The following IL1RAP variants were observed in gnomAD, a reference collection of about 807,000 sequenced individuals.
The protein encoded by IL1RAP is interleukin 1 receptor accessory protein.
A neutral mutation model predicts 60.7 loss-of-function variants in IL1RAP; 35 were observed. That is an observed-to-expected ratio of 0.58 (90% CI 0.44 to 0.76). The LOEUF (loss-of-function observed/expected upper bound fraction) is 0.76. Among genes scored for constraint, IL1RAP ranks in the 30% least tolerant of loss-of-function variants. The pLI is 0.00. For missense variants in IL1RAP, 572 were observed against 693.9 expected, an observed-to-expected ratio of 0.82 and a Z score of 1.97; for synonymous variants, 268 against 250.9, an observed-to-expected ratio of 1.07 and a Z score of -0.64.
intron 1 of IL1RAP, chr3:190,555,748 C>T (rs1725358021): frequency 6.6e-6 from 1 of 152,160 alleles, no homozygotes; most frequent in African/African-American, 2.4e-5. Flanking sequence ...GTTTCTCTCC[C>T]TCTTCCTCCA....
At chr3:190,598,524 A>G (rs1471178238) in intron 3 of IL1RAP, among the ~76,000 whole-genome samples, 1 of 151,914 alleles carries the variant, frequency 6.6e-6, no homozygotes, top group Non-Finnish European at 1.5e-5. Flanking sequence ...TCTTCCTTTT[A>G]TTCTAATTAT....
intron 3 of IL1RAP, among the ~76,000 whole-genome samples, chr3:190,588,947 G>C (rs1363258551): frequency 1.3e-5 from 2 of 152,158 alleles, no homozygotes; most frequent in African/African-American, 4.8e-5. Context: ...TTTATATGCA[G>C]AAGTAATGTT....
intron 1 of IL1RAP, chr3:190,519,040 G>C (rs1721781754): frequency 6.6e-6 from 1 of 152,184 alleles, no homozygotes; most frequent in South Asian, 2.1e-4. Flanking sequence ...TAAGACCAAT[G>C]ACCTACCCAA....
chr3:190,552,286 C>A (rs1423788174), intron 1 of IL1RAP, among the ~76,000 whole-genome samples: 1 of 152,142 alleles, frequency 6.6e-6, no homozygotes, highest in African/African-American at 2.4e-5. Flanking sequence ...TAAATTAGTG[C>A]CTTAACAGTC....
intron 1 of IL1RAP, among the ~76,000 whole-genome samples, chr3:190,523,699 C>T (rs987610386): frequency 2.0e-5 from 3 of 152,178 alleles, no homozygotes; most frequent in Non-Finnish European, 4.4e-5. Context: ...GACATAATCT[C>T]ATTCCTTTTT....
At chr3:190,646,137 T>C (rs1733997387) in intron 11 of IL1RAP, among the ~76,000 whole-genome samples, 2 of 152,206 alleles carry the variant, frequency 1.3e-5, no homozygotes, top group African/African-American at 2.4e-5. Context: ...ACATCCTGTT[T>C]ATTCACATTT....
intron 1 of IL1RAP, among the ~76,000 whole-genome samples, chr3:190,533,140 A>G (rs1723135704): frequency 6.6e-6 from 1 of 152,148 alleles, no homozygotes; most frequent in African/African-American, 2.4e-5. Context: ...GAAAGAGGGA[A>G]CCGTAGGCCC....
chr3:190,629,543 AT>A, intron 9 of IL1RAP, 45 bp downstream of exon 9: 1 of 1,567,918 alleles, frequency 6.4e-7, no homozygotes, highest in East Asian at 2.3e-5. Flanking sequence ...CCAAATTAAC[AT>A]TGTGGTGAAT....
At position 190,593,279 on chromosome 3, in the gene IL1RAP, C is replaced by A. The variant is rs184410896; in HGVS notation, c.65-10849C>A. On this transcript the variant is annotated intron_variant, in intron 3 of 11. Transcript: ENST00000447382. Reference sequence around the variant, plus strand: ...ATGAACACGGGTTTGTATGCAGTGCCAGCAACATGAGGATGCGTGATGGAT... The same window carrying A: ...ATGAACACGGGTTTGTATGCAGTGCAAGCAACATGAGGATGCGTGATGGAT... Among the ~76,000 whole-genome samples the A allele has an allele frequency of 2.6e-3, 391 of 152,234 alleles. 2 individuals carry two copies. Among genetic ancestry groups the A allele is most frequent in the African/African-American group, 7.6e-3 (316 of 41,536 alleles).
At chr3:190,559,340 G>A (rs905852294) in intron 2 of IL1RAP, among the ~76,000 whole-genome samples, 1 of 151,588 alleles carries the variant, frequency 6.6e-6, no homozygotes, top group African/African-American at 2.4e-5. Flanking sequence ...CTAACTTTTG[G>A]TTTCTTTATT....
chr3:190,532,353 C>A (rs1292851163), intron 1 of IL1RAP, among the ~76,000 whole-genome samples: 1 of 151,138 alleles, frequency 6.6e-6, no homozygotes, highest in Admixed American at 6.6e-5. Flanking sequence ...AGCTTCGCCT[C>A]CTGGGTTCAC....
At chr3:190,571,153 A>G (rs1048361091) in intron 3 of IL1RAP, among the ~76,000 whole-genome samples, 1 of 152,070 alleles carries the variant, frequency 6.6e-6, no homozygotes, top group Non-Finnish European at 1.5e-5. Context: ...TCTGTTAACT[A>G]TTGCTTTTTA....
chr3:190,542,107 T>G (rs2108565132), intron 1 of IL1RAP, among the ~76,000 whole-genome samples: 1 of 152,330 alleles, frequency 6.6e-6, no homozygotes, highest in East Asian at 1.9e-4. Context: ...TTTTTTTGCA[T>G]GTAACTCAGG....
At chr3:190,590,638 C>T (rs1326466559) in intron 3 of IL1RAP, among the ~76,000 whole-genome samples, 1 of 152,162 alleles carries the variant, frequency 6.6e-6, no homozygotes, top group Non-Finnish European at 1.5e-5. Flanking sequence ...ACCCACATAT[C>T]AGCTTTTTCA....
intron 4 of IL1RAP, among the ~76,000 whole-genome samples, chr3:190,607,039 AT>A (rs997483964): frequency 2.3e-4 from 35 of 152,186 alleles, no homozygotes; most frequent in African/African-American, 7.7e-4. Context: ...ATGTTTTGTT[AT>A]TTGTAGGTAG....
chr3:190,564,322 C>T lies in IL1RAP; in HGVS notation c.33C>T (p.Tyr11=), dbSNP rs1320636184. Residue 11 remains tyrosine (Y), a synonymous_variant, in exon 3 of 12, where the codon TAC becomes TAT. Transcript: ENST00000447382. The part of the protein sequence containing the change: MTLLWCVVSL[Y]FYGILQSDAS... ...TTCTGTGGTGTGTAGTGAGTCTCTACTTTTATGGAATCCTGCAAAGTGATG... is the reference window on the plus strand; with the variant it reads ...TTCTGTGGTGTGTAGTGAGTCTCTATTTTTATGGAATCCTGCAAAGTGATG... 1 of 1,612,242 alleles carries T rather than the reference C, an allele frequency of 6.2e-7. No individual in the cohort carries two copies. Among genetic ancestry groups the T allele is most frequent in the Non-Finnish European group, 8.5e-7 (1 of 1,178,494 alleles).
intron 1 of IL1RAP, among the ~76,000 whole-genome samples, chr3:190,541,132 G>T (rs1356869450): frequency 6.6e-6 from 1 of 151,922 alleles, no homozygotes; most frequent in Non-Finnish European, 1.5e-5. Flanking sequence ...GGAGATAGGG[G>T]TGCTATCTAC....
At chr3:190,533,946 A>C (rs1723206169) in intron 1 of IL1RAP, among the ~76,000 whole-genome samples, 1 of 151,706 alleles carries the variant, frequency 6.6e-6, no homozygotes, top group East Asian at 1.9e-4. Context: ...CAGGAGTGAA[A>C]AACTCCTTTT....
intron 9 of IL1RAP, chr3:190,629,766 T>A: frequency 8.8e-7 from 1 of 1,139,494 alleles, no homozygotes; most frequent in Non-Finnish European, 1.1e-6. Flanking sequence ...ATTTTGTGTC[T>A]GTACAATTAT....
Sources: allele counts gnomAD v4.1 joint callset (sites outside exome capture counted in the v4.1 genomes callset), GRCh38; gene constraint gnomAD v4.1.1; transcripts MANE v1.5; gene names NCBI Gene and HGNC (gene_info 2026-07-23, HGNC 2026-07-21).